Variants in PRKCE observed in about 807,000 individuals in gnomAD.
The protein encoded by PRKCE is protein kinase C epsilon type.
A neutral mutation model predicts 85.4 loss-of-function variants in PRKCE; 16 were observed. The observed-to-expected ratio is 0.19, with a 90% confidence interval of 0.13 to 0.28. The LOEUF (loss-of-function observed/expected upper bound fraction) is 0.28. Ranked by LOEUF, PRKCE falls within the 10% of genes least tolerant of loss-of-function variation. The pLI, the probability that PRKCE is intolerant of heterozygous loss-of-function variation, is 1.00. For synonymous variants in PRKCE, 388 were observed against 371.5 expected (o/e 1.04, Z -0.51); for missense variants, 573 against 975.2 (o/e 0.59, Z 5.49).
intron 2 of PRKCE, among the ~76,000 whole-genome samples, chr2:45,958,169 A>T (rs1432649615): frequency 2.7e-5 from 4 of 147,262 alleles, no homozygotes; most frequent in Non-Finnish European, 1.5e-5. Context: ...TTATATTAAT[A>T]AACCTAATCT....
chr2:46,123,528 G>C (rs751275516), intron 11 of PRKCE, among the ~76,000 whole-genome samples: 1 of 151,862 alleles, frequency 6.6e-6, no homozygotes, highest in African/African-American at 2.4e-5. Flanking sequence ...TCGCTCTGTC[G>C]CCCAGGCTGG....
intron 10 of PRKCE, among the ~76,000 whole-genome samples, chr2:46,059,561 AT>A (rs1666914906): frequency 6.6e-6 from 1 of 152,216 alleles, no homozygotes; most frequent in Admixed American, 6.5e-5. Context: ...TTTATCTCAC[AT>A]TTGCAGAGAT....
intron 10 of PRKCE, among the ~76,000 whole-genome samples, chr2:46,021,444 G>T (rs1706652442): frequency 6.6e-6 from 1 of 152,332 alleles, no homozygotes; most frequent in East Asian, 1.9e-4. Context: ...TCCAGAGGCA[G>T]TGGGGAAGAA....
chr2:46,129,563 G>A (rs1291379116), intron 11 of PRKCE, among the ~76,000 whole-genome samples: 1 of 152,250 alleles, frequency 6.6e-6, no homozygotes, highest in Non-Finnish European at 1.5e-5. Context: ...ATACATGAGT[G>A]TATGGGTTTT....
chr2:45,875,522 G>C (rs1694407615), intron 2 of PRKCE, among the ~76,000 whole-genome samples: 1 of 152,252 alleles, frequency 6.6e-6, no homozygotes, highest in Admixed American at 6.5e-5. Context: ...GAGACACCTT[G>C]CATGTATCAA....
intron 10 of PRKCE, among the ~76,000 whole-genome samples, chr2:46,050,346 G>A (rs1708780287): frequency 6.6e-6 from 1 of 152,216 alleles, no homozygotes; most frequent in Non-Finnish European, 1.5e-5. Flanking sequence ...TATTTGCCGA[G>A]CCGTCCCTGC....
chr2:46,018,687 T>C (rs1706382366), intron 10 of PRKCE, among the ~76,000 whole-genome samples: 1 of 152,246 alleles, frequency 6.6e-6, no homozygotes, highest in African/African-American at 2.4e-5. Flanking sequence ...AACATTTCGA[T>C]GTGTATCATT....
chr2:46,097,150 A>T (rs1670766728), intron 11 of PRKCE, among the ~76,000 whole-genome samples: 1 of 152,092 alleles, frequency 6.6e-6, no homozygotes, highest in Non-Finnish European at 1.5e-5. Context: ...CAGGGACAGG[A>T]TATATTGACA....
chr2:45,929,551 C>T, intron 2 of PRKCE, among the ~76,000 whole-genome samples: 1 of 152,004 alleles, frequency 6.6e-6, no homozygotes, highest in East Asian at 1.9e-4. Context: ...AGGTGGGTGG[C>T]TGGGTGTTAA....
intron 2 of PRKCE, among the ~76,000 whole-genome samples, chr2:45,955,738 AG>A (rs1700929446): frequency 2.0e-5 from 3 of 152,182 alleles, no homozygotes; most frequent in Admixed American, 1.3e-4. Flanking sequence ...TTGTATCTTT[AG>A]TAGCTCCTGA....
At chr2:46,171,455 C>G (rs1047179197) in intron 14 of PRKCE, among the ~76,000 whole-genome samples, 1 of 152,254 alleles carries the variant, frequency 6.6e-6, no homozygotes, top group African/African-American at 2.4e-5. Context: ...ATGCTGGGCA[C>G]AGTGCTGCGT....
At chr2:46,016,232 G>T (rs1273007116) in intron 10 of PRKCE, among the ~76,000 whole-genome samples, 3 of 152,190 alleles carry the variant, frequency 2.0e-5, no homozygotes, top group Non-Finnish European at 4.4e-5. Context: ...ACTGCAAGAT[G>T]TGACAAGACT....
chr2:46,086,088 C>T lies in PRKCE; in HGVS notation c.1438-120C>T. The T allele has an allele frequency of 3.9e-6, 4 of 1,028,956 alleles. No individual in the cohort carries two copies. The South Asian group carries it at 4.6e-5, about 12-fold the overall frequency. 63.7% of individuals were successfully genotyped at this position (1,028,956 alleles called of 1,614,324 possible). Reference sequence around the variant, plus strand: ...GGATCAGGTGCTACCAGGATTCACCCACCTTTGAGGCTTCTTCCCCCTTGA... The same window carrying T: ...GGATCAGGTGCTACCAGGATTCACCTACCTTTGAGGCTTCTTCCCCCTTGA... On this transcript the variant is annotated intron_variant, in intron 10 of 14. Transcript: ENST00000306156.
Position 45,871,673 on chromosome 2 carries a change from T to C in PRKCE, c.412+28610T>C, listed in dbSNP as rs577404335. Reference sequence around the variant, plus strand: ...AGTTTTACAAACCCCATCCTGAGGGTATTTTTCTTTGCAGAGATGAGGGTG... The same window carrying C: ...AGTTTTACAAACCCCATCCTGAGGGCATTTTTCTTTGCAGAGATGAGGGTG... On this transcript the variant is annotated intron_variant, in intron 2 of 14. Transcript: ENST00000306156. 2.1e-4 allele frequency among the ~76,000 whole-genome samples: 32 copies of C among 152,244 alleles called. 1 individual carries two copies. In the South Asian group the frequency reaches 6.4e-3, roughly 31 times the overall value.
At chr2:46,067,671 A>G (rs991608662) in intron 10 of PRKCE, among the ~76,000 whole-genome samples, 4 of 152,200 alleles carry the variant, frequency 2.6e-5, no homozygotes, top group Admixed American at 2.6e-4. Flanking sequence ...GATGCTCACA[A>G]TGTATCTGCT....
chr2:45,986,842 G>A (rs1197998439), intron 6 of PRKCE, among the ~76,000 whole-genome samples: 1 of 152,064 alleles, frequency 6.6e-6, no homozygotes, highest in African/African-American at 2.4e-5. Context: ...TCTTTCTAGT[G>A]TGTGACCCTG....
intron 10 of PRKCE, among the ~76,000 whole-genome samples, chr2:46,069,608 T>C (rs530938225): frequency 2.4e-4 from 37 of 152,348 alleles, no homozygotes; most frequent in Admixed American, 1.4e-3. Flanking sequence ...TGGGCCCTTA[T>C]AAATCAGTAT....
At chr2:45,749,958 G>A (rs1439750368) in intron 1 of PRKCE, among the ~76,000 whole-genome samples, 2 of 152,062 alleles carry the variant, frequency 1.3e-5, no homozygotes, top group Non-Finnish European at 2.9e-5. Flanking sequence ...GCCTTTTGGG[G>A]GGAGAACATA....
intron 2 of PRKCE, 86 bp from the exon 3 acceptor site, chr2:45,976,343 G>T: frequency 1.4e-6 from 2 of 1,467,868 alleles, no homozygotes; most frequent in Non-Finnish European, 1.8e-6. Flanking sequence ...ACTCCCCCAG[G>T]GATGGAGTAG....
Sources: gnomAD v4.1 joint callset for allele counts (sites outside exome capture counted in the v4.1 genomes callset) on GRCh38, gnomAD v4.1.1 for gene constraint, MANE v1.5 for transcripts, NCBI Gene and HGNC (gene_info 2026-07-23, HGNC 2026-07-21) for gene names.